ARMC2: variants seen among roughly 807,000 people sequenced by gnomAD.
ARMC2 encodes armadillo repeat-containing protein 2.
ARMC2 carries 67 observed loss-of-function variants against 90.3 expected under a neutral mutation model. The ratio of observed to expected loss-of-function variants is 0.74; its 90% CI spans 0.61 to 0.91. The LOEUF is 0.91. Ranked by LOEUF, ARMC2 falls within the 40% of genes least tolerant of loss-of-function variation. ARMC2 has a pLI of 0.00. For missense variants in ARMC2, 920 were observed against 1,030.9 expected (o/e 0.89, Z 1.47); for synonymous variants, 393 against 393.0 (o/e 1.00, Z 0.00).
At chr6:108,921,079 T>C (rs1373081528) in intron 10 of ARMC2, among the ~76,000 whole-genome samples, 1 of 152,240 alleles carries the variant, frequency 6.6e-6, no homozygotes, top group Non-Finnish European at 1.5e-5. Context: ...TCACTAGCTT[T>C]AGCATATAAT....
At chr6:109,041,743 A>G in the ARMC2 span, among the ~76,000 whole-genome samples, 3 of 152,166 alleles carry the variant, frequency 2.0e-5, no homozygotes, top group Non-Finnish European at 4.4e-5. Context: ...ACAAATCCAT[A>G]ATTATAGCAG....
In ARMC2 at chr6:108,861,276, GT is replaced by G. The variant is rs558246502; in HGVS notation, c.291+3008del. Reference sequence around the variant, plus strand: ...TTACTCTGTGTTTGTGTGTATGTGTGTTTGTATGTGTGTGTGCGTGCACACG... The same window carrying G: ...TTACTCTGTGTTTGTGTGTATGTGTGTTGTATGTGTGTGTGCGTGCACACG... On this transcript the variant is annotated intron_variant, in intron 3 of 17. Transcript: ENST00000392644. Among the ~76,000 whole-genome samples the G allele has an allele frequency of 9.2e-5, 14 of 152,312 alleles. No homozygotes were observed. In the South Asian group the frequency reaches 2.9e-3, roughly 32 times the overall value.
At chr6:108,942,958 T>C (rs1776558554) in intron 12 of ARMC2, among the ~76,000 whole-genome samples, 3 of 152,214 alleles carry the variant, frequency 2.0e-5, no homozygotes, top group African/African-American at 7.2e-5. Context: ...AAATGTCACC[T>C]ACACATGCCT....
At chr6:108,896,387 G>C (rs1296370463) in intron 6 of ARMC2, among the ~76,000 whole-genome samples, 1 of 152,184 alleles carries the variant, frequency 6.6e-6, no homozygotes, top group African/African-American at 2.4e-5. Flanking sequence ...GCCCAAGATT[G>C]AAACAACCTT....
the ARMC2 span, among the ~76,000 whole-genome samples, chr6:109,026,125 T>C: frequency 6.6e-6 from 1 of 152,172 alleles, no homozygotes; most frequent in Admixed American, 6.5e-5. Flanking sequence ...TTTTAAAGAA[T>C]GGAAGCCAGA....
In ARMC2 at chr6:108,868,956, C is replaced by T. The variant is rs373107813; in HGVS notation, c.424C>T (p.Arg142Trp). Residue 142 changes from arginine (R) to tryptophan (W), a missense_variant, in exon 4 of 18, where the codon CGG becomes TGG. Coordinates refer to ENST00000392644, the MANE Select transcript of ARMC2 (RefSeq NM_032131.6). ...TCGCTTATTCAGGGCTGCCTCCCAG[C>T]GGGCCCTTCTGCCGGACAGATCCCT... ...RARLFRAASQRALLPDRSLPP... is the reference protein window; with the variant it reads ...RARLFRAASQWALLPDRSLPP... 100 of 1,613,634 alleles carry T rather than the reference C, an allele frequency of 6.2e-5. 1 individual carries two copies. Among genetic ancestry groups the T allele is most frequent in the East Asian group, 2.5e-4 (11 of 44,886 alleles).
the ARMC2 span, chr6:109,000,403 T>C: frequency 9.8e-7 from 1 of 1,018,988 alleles, no homozygotes; most frequent in African/African-American, 1.6e-5. Flanking sequence ...AGGAACTCTC[T>C]GTACTTTCTG....
intron 1 of ARMC2, among the ~76,000 whole-genome samples, chr6:108,850,446 C>T (rs1369885709): frequency 6.6e-6 from 1 of 152,196 alleles, no homozygotes; most frequent in Non-Finnish European, 1.5e-5. Context: ...GTGCACCTCA[C>T]TTGTTCTCAT....
the ARMC2 span, chr6:108,990,886 C>A: frequency 6.8e-7 from 1 of 1,480,460 alleles, no homozygotes; most frequent in Non-Finnish European, 9.4e-7. Context: ...AAGTACAGTT[C>A]TATATCTATA....
At chr6:109,040,547 T>C in the ARMC2 span, among the ~76,000 whole-genome samples, 4 of 152,110 alleles carry the variant, frequency 2.6e-5, no homozygotes. Context: ...ACATCAGGTG[T>C]CCCACTACAA....
intron 3 of ARMC2, among the ~76,000 whole-genome samples, chr6:108,862,220 T>G (rs1037895577): frequency 6.6e-6 from 1 of 151,732 alleles, no homozygotes; most frequent in Non-Finnish European, 1.5e-5. Flanking sequence ...GGCGCATGCC[T>G]CTAACCCCAG....
At chr6:108,986,557 TCAAA>T in the ARMC2 span, 48 of 152,688 alleles carry the variant, frequency 3.1e-4, no homozygotes, top group African/African-American at 9.6e-4. Flanking sequence ...TGTTTGCATT[TCAAA>T]CAAAGTTAGC....
At chr6:108,982,453 A>G in the ARMC2 span, among the ~76,000 whole-genome samples, 1 of 152,172 alleles carries the variant, frequency 6.6e-6, no homozygotes, top group African/African-American at 2.4e-5. Flanking sequence ...GGGCTTCAAC[A>G]TGTGAATTTT....
In ARMC2 at chr6:108,903,423, G is replaced by C. The variant is rs866113802; in HGVS notation, c.848-807G>C. Among the ~76,000 whole-genome samples the C allele has an allele frequency of 3.3e-5, 5 of 152,176 alleles. No homozygotes were observed. In the Middle Eastern group the frequency reaches 0.014, roughly 414 times the overall value. ...TCCTGTTTTTTAATAACCACCTCCA[G>C]ATAATGGTGGATTTTGTGACATTTC... On this transcript the variant is annotated intron_variant, in intron 7 of 17. Transcript: ENST00000392644.
At chr6:108,991,230 T>A in the ARMC2 span, among the ~76,000 whole-genome samples, 15 of 97,804 alleles carry the variant, frequency 1.5e-4, no homozygotes, top group South Asian at 3.8e-3. Flanking sequence ...AAATTATGAG[T>A]GTGTGTGTGT....
the ARMC2 span, chr6:108,992,650 A>G: frequency 1.5e-6 from 1 of 666,910 alleles, no homozygotes; most frequent in Non-Finnish European, 2.7e-6. Context: ...ACAGTCTTTC[A>G]CCTTTTATTC....
chr6:109,002,277 C>T, the ARMC2 span: 1 of 1,612,830 alleles, frequency 6.2e-7, no homozygotes. Flanking sequence ...AAACAACGTA[C>T]CTCCTTTTCT....
At chr6:108,999,364 T>C in the ARMC2 span, among the ~76,000 whole-genome samples, 1 of 152,204 alleles carries the variant, frequency 6.6e-6, no homozygotes, top group Admixed American at 6.5e-5. Context: ...ATTCAAATCT[T>C]GTATCTTCTT....
At chr6:109,046,525 T>C in the ARMC2 span, among the ~76,000 whole-genome samples, 10 of 133,232 alleles carry the variant, frequency 7.5e-5, no homozygotes, top group African/African-American at 1.1e-4. Flanking sequence ...AAGTGAGGAG[T>C]GTCTCTGCCT....
Sources: allele counts gnomAD v4.1 joint callset (sites outside exome capture counted in the v4.1 genomes callset), GRCh38; gene constraint gnomAD v4.1.1; transcripts MANE v1.5; gene names NCBI Gene and HGNC (gene_info 2026-07-23, HGNC 2026-07-21).